The following ADAM23 variants were observed in gnomAD, a reference collection of about 807,000 sequenced individuals.
The protein encoded by ADAM23 is ADAM metallopeptidase domain 23.
A neutral mutation model predicts 120.1 loss-of-function variants in ADAM23; 33 were observed. That is an observed-to-expected ratio of 0.27 (90% confidence interval 0.21 to 0.37). The LOEUF (loss-of-function observed/expected upper bound fraction) is 0.37. Among genes scored for constraint, ADAM23 ranks in the 10% least tolerant of loss-of-function variants. The pLI, the probability that ADAM23 is intolerant of heterozygous loss-of-function variation, is 1.00. For synonymous variants in ADAM23, 367 were observed against 375.2 expected, an observed-to-expected ratio of 0.98 and a Z score of 0.25; for missense variants, 862 against 1,058.2, an observed-to-expected ratio of 0.81 and a Z score of 2.57.
chr2:206,602,476 T>C (rs1044890277), intron 24 of ADAM23, among the ~76,000 whole-genome samples: 3 of 152,210 alleles, frequency 2.0e-5, no homozygotes, highest in Non-Finnish European at 4.4e-5. Flanking sequence ...ATTTAGTATT[T>C]ACTTTTCTTG....
chr2:206,605,866 A>G (rs1341603728), intron 24 of ADAM23: 1 of 687,206 alleles, frequency 1.5e-6, no homozygotes, highest in Non-Finnish European at 2.6e-6. Flanking sequence ...TTGGAGGCAC[A>G]GGGTGGGGAA....
At chr2:206,599,984 A>G (rs377718139) in intron 24 of ADAM23, among the ~76,000 whole-genome samples, 24 of 152,234 alleles carry the variant, frequency 1.6e-4, no homozygotes, top group Non-Finnish European at 2.4e-4. Flanking sequence ...GGCGGATCAC[A>G]AGGTCAGGAG....
chr2:206,596,680 A>G (rs1388234596), intron 24 of ADAM23, among the ~76,000 whole-genome samples: 2 of 152,250 alleles, frequency 1.3e-5, no homozygotes, highest in East Asian at 1.9e-4. Context: ...CTTTGTTTTA[A>G]TCAGTCATTA....
At chr2:206,502,955 C>T (rs1414762168) in intron 3 of ADAM23, among the ~76,000 whole-genome samples, 2 of 152,158 alleles carry the variant, frequency 1.3e-5, no homozygotes, top group Non-Finnish European at 2.9e-5. Flanking sequence ...TTCCCCGTGG[C>T]TCTCCACAAC....
intron 13 of ADAM23, among the ~76,000 whole-genome samples, chr2:206,563,038 C>G (rs1429551551): frequency 3.9e-5 from 6 of 152,268 alleles, no homozygotes; most frequent in Admixed American, 2.6e-4. Flanking sequence ...CTTTTAAAAT[C>G]AGAATAAAAG....
intron 3 of ADAM23, among the ~76,000 whole-genome samples, chr2:206,508,892 A>G (rs1696562864): frequency 6.6e-6 from 1 of 152,086 alleles, no homozygotes; most frequent in African/African-American, 2.4e-5. Context: ...TCTATGAATA[A>G]TTTTCTCAAT....
rs144599229 is a variant in ADAM23, at chr2:206,588,757, G to C, written c.1852+603G>C. 2.1e-3 allele frequency among the ~76,000 whole-genome samples: 322 copies of C among 152,274 alleles called. 3 individuals are homozygous for C. The highest frequency in any genetic ancestry group is 7.3e-3 in the African/African-American group (305 of 41,550). On this transcript the variant is annotated intron_variant, in intron 20 of 25. Coordinates refer to ENST00000264377, the MANE Select transcript of ADAM23 (RefSeq NM_003812.4). Reference sequence around the variant, plus strand: ...AGACGGGGGGAAGAATGAGAAATGCGTCTGCCTTTCTAGCCAAGGCTGGGT... The same window carrying C: ...AGACGGGGGGAAGAATGAGAAATGCCTCTGCCTTTCTAGCCAAGGCTGGGT...
chr2:206,601,401 G>C (rs1248773261), intron 24 of ADAM23, among the ~76,000 whole-genome samples: 1 of 152,124 alleles, frequency 6.6e-6, no homozygotes. Context: ...AGAGTGAGAG[G>C]CAGAGCCAAT....
At chr2:206,515,083 G>A (rs1194153614) in intron 3 of ADAM23, among the ~76,000 whole-genome samples, 3 of 152,050 alleles carry the variant, frequency 2.0e-5, no homozygotes, top group Non-Finnish European at 4.4e-5. Context: ...CAGTATAGTC[G>A]TGATCATAGG....
intron 3 of ADAM23, among the ~76,000 whole-genome samples, chr2:206,497,962 C>T (rs1391796238): frequency 2.0e-5 from 3 of 152,106 alleles, no homozygotes; most frequent in Admixed American, 6.5e-5. Context: ...TGAAGGAGCT[C>T]TTCAAGAACT....
In ADAM23 at chr2:206,563,311, A is replaced by G. The variant is rs151014853; in HGVS notation, c.1345+1018A>G. Among the ~76,000 whole-genome samples, 481 of 152,318 alleles carry G rather than the reference A, an allele frequency of 3.2e-3. 6 individuals are homozygous for G. The highest frequency in any genetic ancestry group is 0.011 in the African/African-American group (455 of 41,564). ...GAAAAATCTACCTTAATATCATTCT[A>G]TATTTTATATTCTTTTTTTCATTAA... On this transcript the variant is annotated intron_variant, in intron 13 of 25. Transcript: ENST00000264377.
intron 23 of ADAM23, 150 bp from the exon 24 acceptor site, chr2:206,595,901 T>A (rs1266060769): frequency 1.8e-6 from 1 of 545,946 alleles, no homozygotes; most frequent in African/African-American, 1.9e-5. Context: ...TATTACCTTG[T>A]GTCTAGTGAT....
At chr2:206,557,625 G>T in intron 10 of ADAM23, 127 bp downstream of exon 10, 1 of 846,684 alleles carries the variant, frequency 1.2e-6, no homozygotes, top group Non-Finnish European at 2.0e-6. Context: ...TCTGGCTAAG[G>T]AATTATAGGA....
chr2:206,526,332 A>G (rs779801813), intron 3 of ADAM23, among the ~76,000 whole-genome samples: 11 of 152,202 alleles, frequency 7.2e-5, no homozygotes, highest in Non-Finnish European at 1.3e-4. Flanking sequence ...TTTCTAAAAG[A>G]TATTTGTGAT....
At chr2:206,493,354 A>G (rs898254711) in intron 3 of ADAM23, among the ~76,000 whole-genome samples, 3 of 152,186 alleles carry the variant, frequency 2.0e-5, no homozygotes, top group African/African-American at 7.2e-5. Flanking sequence ...TAAAAACAAA[A>G]TAATCTATAC....
chr2:206,536,302 A>T (rs1036559895), intron 4 of ADAM23, among the ~76,000 whole-genome samples: 1 of 152,170 alleles, frequency 6.6e-6, no homozygotes, highest in Non-Finnish European at 1.5e-5. Context: ...TGTAGAATCT[A>T]AAAAAGTCGA....
chr2:206,518,788 C>T (rs913284312), intron 3 of ADAM23, among the ~76,000 whole-genome samples: 2 of 152,130 alleles, frequency 1.3e-5, no homozygotes, highest in African/African-American at 4.8e-5. Context: ...AAGAAAATTT[C>T]AGCAGCTCTT....
At chr2:206,577,784 G>A (rs1244386678) in intron 18 of ADAM23, among the ~76,000 whole-genome samples, 2 of 151,636 alleles carry the variant, frequency 1.3e-5, no homozygotes, top group African/African-American at 2.4e-5. Flanking sequence ...ACCCAGTAAT[G>A]GGATGGCTTG....
At chr2:206,465,340 T>TA (rs1376277326) in intron 2 of ADAM23, among the ~76,000 whole-genome samples, 1 of 152,314 alleles carries the variant, frequency 6.6e-6, no homozygotes, top group East Asian at 1.9e-4. Context: ...GCATCTGGCC[T>TA]ACGTTCTTGC....
Sources: allele counts gnomAD v4.1 joint callset (sites outside exome capture counted in the v4.1 genomes callset), GRCh38; gene constraint gnomAD v4.1.1; transcripts MANE v1.5; gene names NCBI Gene and HGNC (gene_info 2026-07-23, HGNC 2026-07-21).